The following ZFP64 variants were observed in gnomAD, a reference collection of about 807,000 sequenced individuals.
ZFP64 encodes the protein ZFP64 zinc finger protein.
Under a neutral mutation model 51.6 loss-of-function variants are expected in ZFP64, and 14 were observed. The observed-to-expected ratio is 0.27, with a 90% CI of 0.18 to 0.42. The LOEUF (loss-of-function observed/expected upper bound fraction) is 0.42, where lower values mean the gene tolerates loss of function less well. Ranked by LOEUF, ZFP64 falls within the 10% of genes least tolerant of loss-of-function variation. The probability of loss-of-function intolerance (pLI) is 1.00; values close to 1 mark genes in which losing one functional copy is unlikely to be tolerated. For missense variants in ZFP64, 754 were observed against 906.8 expected (o/e 0.83, Z 2.16); for synonymous variants, 375 against 361.4 (o/e 1.04, Z -0.43).
In ZFP64 at chr20:52,185,741, C is replaced by T. The variant is rs553250363; in HGVS notation, c.286+1091G>A. On this transcript the variant is annotated intron_variant, in intron 2 of 5. Transcript: ENST00000216923. ...GATTACAGGCGCCTGCCACCACGCCCGGCTAATTTTTGTATTTTTAGTAGA... is the reference window on the plus strand; with the variant it reads ...GATTACAGGCGCCTGCCACCACGCCTGGCTAATTTTTGTATTTTTAGTAGA... 5.9e-5 allele frequency among the ~76,000 whole-genome samples: 9 copies of T among 152,064 alleles called. No homozygotes were observed. In the East Asian group the frequency reaches 1.2e-3, roughly 20 times the overall value.
At chr20:52,138,309 C>T (rs1434699712) in intron 5 of ZFP64, among the ~76,000 whole-genome samples, 1 of 151,696 alleles carries the variant, frequency 6.6e-6, no homozygotes. Context: ...AAGGAGAAAA[C>T]CACAAACTTT....
chr20:52,119,531 A>ATATATAT (rs1458557217), intron 5 of ZFP64, among the ~76,000 whole-genome samples: 7 of 65,184 alleles, frequency 1.1e-4, no homozygotes, highest in African/African-American at 3.5e-4. Context: ...AAAAAAAAAA[A>ATATATAT]AAATATATAT....
intron 4 of ZFP64, among the ~76,000 whole-genome samples, chr20:52,163,567 G>A (rs537609183): frequency 2.0e-5 from 3 of 152,238 alleles, no homozygotes; most frequent in Non-Finnish European, 2.9e-5. Flanking sequence ...GACACTGTGA[G>A]GCTGATTAGA....
At chr20:52,174,564 A>T (rs1213816589) in intron 2 of ZFP64, among the ~76,000 whole-genome samples, 2 of 152,038 alleles carry the variant, frequency 1.3e-5, no homozygotes, top group South Asian at 4.1e-4. Context: ...TATATTTTTA[A>T]TGAAACACTT....
At position 52,101,940 on chromosome 20, in the gene ZFP64, C is replaced by CAAAAA. The variant is rs1190342919; in HGVS notation, c.764-3358_764-3354dup. ...TGAAACCTGTCTCTACTAAAAATAC[C>CAAAAA]AAAAAAAAAAAAAAAAAAAAAATTA... On this transcript the variant is annotated intron_variant, in intron 5 of 8. Transcript: ENST00000361387. Among the ~76,000 whole-genome samples the CAAAAA allele has an allele frequency of 7.7e-5, 6 of 77,676 alleles. 1 individual carries two copies. The highest frequency in any genetic ancestry group is 7.9e-5 in the Non-Finnish European group (3 of 38,194). 51.0% of individuals were successfully genotyped at this position (77,676 alleles called of 152,430 possible).
chr20:52,137,561 C>T (rs941040384), intron 5 of ZFP64, among the ~76,000 whole-genome samples: 12 of 152,032 alleles, frequency 7.9e-5, no homozygotes, highest in Non-Finnish European at 1.6e-4. Flanking sequence ...AGAGTAAAAG[C>T]GCAACATAGG....
intron 5 of ZFP64, among the ~76,000 whole-genome samples, chr20:52,144,554 T>G (rs1252693769): frequency 2.0e-5 from 2 of 97,940 alleles, no homozygotes; most frequent in African/African-American, 8.9e-5. Context: ...CACTCCAGCC[T>G]GGTGACAGAG....
chr20:52,139,321 C>G (rs1260079849), intron 5 of ZFP64, among the ~76,000 whole-genome samples: 1 of 152,162 alleles, frequency 6.6e-6, no homozygotes, highest in African/African-American at 2.4e-5. Context: ...ACTTCACAAC[C>G]ATAACAACAT....
intron 5 of ZFP64, among the ~76,000 whole-genome samples, chr20:52,115,366 A>G (rs1333522591): frequency 6.6e-6 from 1 of 151,984 alleles, no homozygotes; most frequent in African/African-American, 2.4e-5. Context: ...ATATATTCAC[A>G]TAAATCCAGT....
At chr20:52,116,387 C>T (rs1304503106) in intron 5 of ZFP64, among the ~76,000 whole-genome samples, 4 of 151,576 alleles carry the variant, frequency 2.6e-5, no homozygotes, top group Non-Finnish European at 2.9e-5. Context: ...CCGCTTGCCT[C>T]GGCCTCCCAA....
chr20:52,116,442 CTTTCTTT>C (rs747169188), intron 5 of ZFP64, among the ~76,000 whole-genome samples: 1 of 147,340 alleles, frequency 6.8e-6, no homozygotes. Flanking sequence ...GGCCATATTT[CTTTCTTT>C]TTTTTTTTTT....
chr20:52,140,008 T>C lies in ZFP64; in HGVS notation c.763+20115A>G, dbSNP rs1055643883. The stretch of plus-strand genomic sequence containing the variant: ...CTTTTTATTATTATTATATCTGTTA[T>C]GGTGATCTGTGATTGGTGATCTTTG... On this transcript the variant is annotated intron_variant, in intron 5 of 8. Coordinates refer to the ZFP64 transcript ENST00000361387. 1.4e-3 allele frequency among the ~76,000 whole-genome samples: 216 copies of C among 152,248 alleles called. 1 individual carries two copies. The highest frequency in any genetic ancestry group is 1.5e-3 in the Non-Finnish European group (104 of 68,028).
intron 5 of ZFP64, among the ~76,000 whole-genome samples, chr20:52,128,904 C>A (rs118107104): frequency 0.035 from 5,219 of 147,578 alleles, 129 homozygotes; most frequent in Non-Finnish European, 0.053. Context: ...GGAGCTCCGA[C>A]CTTTTTTTAA....
rs1327892075 is a variant in ZFP64, at chr20:52,187,060, T to C, written c.58A>G (p.Thr20Ala). 1 of 1,607,850 alleles carries C rather than the reference T, an allele frequency of 6.2e-7. No individual in the cohort carries two copies. The highest frequency in any genetic ancestry group is 8.5e-7 in the Non-Finnish European group (1 of 1,174,850). The stretch of plus-strand genomic sequence containing the variant: ...GGAGTCAGCTCCACCAGCACCGTTG[T>C]GCCACCTGGAACTCCATGGGACAAA... ...FAGSVQIPGG[T>A]TVLVELTPDI... is the part of the protein sequence containing the mutation. Residue 20 changes from threonine (T) to alanine (A), a missense_variant, in exon 2 of 6, where the codon ACA (threonine) becomes GCA (alanine). Thr to Ala is a moderately conservative substitution (Grantham distance 58). Transcript: ENST00000216923.
chr20:52,142,456 T>C (rs1331014276), intron 5 of ZFP64, among the ~76,000 whole-genome samples: 2 of 151,096 alleles, frequency 1.3e-5, no homozygotes, highest in Non-Finnish European at 2.9e-5. Flanking sequence ...ATTTGGGTGA[T>C]AGTTACATTA....
intron 7 of ZFP64, among the ~76,000 whole-genome samples, chr20:52,091,498 G>A (rs1036240238): frequency 6.6e-6 from 1 of 152,100 alleles, no homozygotes; most frequent in African/African-American, 2.4e-5. Flanking sequence ...TAGAAATCAT[G>A]GTGAAATCCA....
chr20:52,116,080 C>T (rs567774069), intron 5 of ZFP64, among the ~76,000 whole-genome samples: 4 of 148,030 alleles, frequency 2.7e-5, no homozygotes, highest in African/African-American at 5.0e-5. Context: ...GTGATCTGCC[C>T]GCCTCATCCT....
At chr20:52,122,107 C>T (rs1979216874) in intron 5 of ZFP64, among the ~76,000 whole-genome samples, 1 of 152,140 alleles carries the variant, frequency 6.6e-6, no homozygotes, top group Non-Finnish European at 1.5e-5. Flanking sequence ...CCTAGTCACC[C>T]AAGAGCTCTG....
chr20:52,134,406 A>T (rs1979871977), intron 5 of ZFP64, among the ~76,000 whole-genome samples: 1 of 152,160 alleles, frequency 6.6e-6, no homozygotes, highest in South Asian at 2.1e-4. Context: ...AGAGTCACTG[A>T]TTTATATAAG....
Sources: allele counts gnomAD v4.1 joint callset (sites outside exome capture counted in the v4.1 genomes callset), GRCh38; gene constraint gnomAD v4.1.1; transcripts MANE v1.5; gene names NCBI Gene and HGNC (gene_info 2026-07-23, HGNC 2026-07-21).